The following CAMSAP1 variants were observed in gnomAD, a reference collection of about 807,000 sequenced individuals.
CAMSAP1 encodes the protein calmodulin-regulated spectrin-associated protein 1.
In CAMSAP1, 58 loss-of-function variants were observed where a neutral mutation model predicts 143.5. That is an observed-to-expected ratio of 0.40 (90% CI 0.33 to 0.50). The LOEUF (loss-of-function observed/expected upper bound fraction) is 0.50. CAMSAP1 is among the 20% of genes least tolerant of loss of function. The pLI, the probability that CAMSAP1 is intolerant of heterozygous loss-of-function variation, is 0.45. For synonymous variants in CAMSAP1, 945 were observed against 859.3 expected, an observed-to-expected ratio of 1.10 and a Z score of -1.74; for missense variants, 1,969 against 2,115.7, an observed-to-expected ratio of 0.93 and a Z score of 1.36.
At position 135,820,222 on chromosome 9, in the gene CAMSAP1, G is replaced by A. The variant is rs368986039; in HGVS notation, c.3822+617C>T. 6.6e-6 allele frequency among the ~76,000 whole-genome samples: 1 copy of A among 152,106 alleles called. No homozygotes were observed. Among genetic ancestry groups the A allele is most frequent in the Admixed American group, 6.5e-5 (1 of 15,284 alleles). ...GTGTATCAAAATCTATCTAAACATT[G>A]AAAAACTACCACGAAAACATGGTCT... On this transcript the variant is annotated intron_variant, in intron 11 of 16. Transcript: ENST00000389532. This position sits in a 1 kb window ranked among gnomAD's most constrained non-coding sequence, Gnocchi z 4.4.
chr9:135,813,516 T>A (rs1387394146), intron 16 of CAMSAP1, among the ~76,000 whole-genome samples: 1 of 152,226 alleles, frequency 6.6e-6, no homozygotes, highest in Non-Finnish European at 1.5e-5. Flanking sequence ...ACATTTAATT[T>A]GTAGCGACAG....
At chr9:135,892,175 A>C (rs1410181972) in intron 1 of CAMSAP1, among the ~76,000 whole-genome samples, 1 of 152,148 alleles carries the variant, frequency 6.6e-6, no homozygotes, top group Non-Finnish European at 1.5e-5. Flanking sequence ...GAAAACCCCA[A>C]ACAGAATAAA....
intron 4 of CAMSAP1, among the ~76,000 whole-genome samples, chr9:135,863,616 C>T (rs973769447): frequency 6.6e-6 from 1 of 152,184 alleles, no homozygotes; most frequent in African/African-American, 2.4e-5. Flanking sequence ...ATAAGTACAT[C>T]ATGTAGAATA....
intron 7 of CAMSAP1, among the ~76,000 whole-genome samples, chr9:135,846,895 G>A (rs1345042656): frequency 6.6e-6 from 1 of 152,152 alleles, no homozygotes; most frequent in African/African-American, 2.4e-5. Context: ...ATGCTAGAGA[G>A]GATATGGAGA....
intron 11 of CAMSAP1, among the ~76,000 whole-genome samples, chr9:135,819,991 G>A (rs1835387250): frequency 6.6e-6 from 1 of 152,204 alleles, no homozygotes; most frequent in African/African-American, 2.4e-5. Flanking sequence ...ACTGCCTGGA[G>A]GCAAAGCAGA....
At chr9:135,897,685 T>C (rs536622024) in intron 1 of CAMSAP1, among the ~76,000 whole-genome samples, 1 of 152,078 alleles carries the variant, frequency 6.6e-6, no homozygotes, top group Non-Finnish European at 1.5e-5. Context: ...GCAGATGATA[T>C]CAATGACTTA....
rs1397965039 is a variant in CAMSAP1, at chr9:135,882,739, C to T, written c.423+77G>A. ...CGCCGCACACCGTGTTCACACCATC[C>T]ATGCACCAGGTGCGCCACACGAGAG... On this transcript the variant is annotated intron_variant, in intron 2 of 16. Transcript: ENST00000389532. This position sits in a 1 kb window ranked among gnomAD's most constrained non-coding sequence, Gnocchi z 4.9. 1 of 1,481,588 alleles carries T rather than the reference C, an allele frequency of 6.7e-7. No homozygotes were observed. Among genetic ancestry groups the T allele is most frequent in the Middle Eastern group, 2.0e-4 (1 of 4,950 alleles). 91.8% of individuals were successfully genotyped at this position (1,481,588 alleles called of 1,614,324 possible).
intron 15 of CAMSAP1, 105 bp from the exon 16 acceptor site, chr9:135,815,320 T>C (rs1303836068): frequency 5.3e-6 from 3 of 563,864 alleles, no homozygotes; most frequent in Non-Finnish European, 9.2e-6. Flanking sequence ...GTAGGCTGAA[T>C]TACAGATATT....
chr9:135,863,750 G>A (rs904100753), intron 4 of CAMSAP1, among the ~76,000 whole-genome samples: 1 of 152,042 alleles, frequency 6.6e-6, no homozygotes, highest in African/African-American at 2.4e-5. Flanking sequence ...GGGAGCCCAC[G>A]GCACACACTA....
intron 1 of CAMSAP1, among the ~76,000 whole-genome samples, chr9:135,891,628 GATGTTCACAGAGCCCA>G (rs892907013): frequency 1.2e-4 from 19 of 152,294 alleles, no homozygotes; most frequent in East Asian, 7.7e-4. Context: ...CTCACAGCAT[GATGTTCACAGAGCCCA>G]ATGTTCACAG....
chr9:135,841,390 A>G (rs1173679102), intron 7 of CAMSAP1, among the ~76,000 whole-genome samples: 1 of 152,222 alleles, frequency 6.6e-6, no homozygotes, highest in Non-Finnish European at 1.5e-5. Context: ...CCTGGGACAG[A>G]GCACCTAGGG....
chr9:135,865,119 A>G, intron 4 of CAMSAP1: 1 of 566,514 alleles, frequency 1.8e-6, no homozygotes. Flanking sequence ...AAACTGGGCG[A>G]AATGTAACTT....
In CAMSAP1 at chr9:135,815,119, G is replaced by A; in HGVS notation, c.4484C>T (p.Pro1495Leu). Residue 1495 changes from proline to leucine, a missense_variant, in exon 16 of 17, where the codon CCC (proline) becomes CTC (leucine). Pro to Leu is a moderately conservative substitution (Grantham distance 98). Transcript: ENST00000389532. ...HCCLAGKVNE[P>L]HKNSILEELE... is the part of the protein sequence containing the mutation. ...TGCCTCCAATATGGAATTCTTGTGG[G>A]GTTCGTTCACTTTTCCAGCCAGGCA... The A allele has an allele frequency of 1.2e-6, 2 of 1,612,888 alleles. No homozygotes were observed. The highest frequency in any genetic ancestry group is 1.7e-6 in the Non-Finnish European group (2 of 1,179,028).
chr9:135,841,113 T>A (rs1183345784), intron 7 of CAMSAP1, among the ~76,000 whole-genome samples: 1 of 152,218 alleles, frequency 6.6e-6, no homozygotes, highest in African/African-American at 2.4e-5. Context: ...AAATTCTCGC[T>A]GCCAGCACAG....
At chr9:135,899,417 TAA>T (rs577120532) in intron 1 of CAMSAP1, among the ~76,000 whole-genome samples, 28 of 125,356 alleles carry the variant, frequency 2.2e-4, no homozygotes, top group Admixed American at 2.4e-4. Context: ...TTGTCTCTAT[TAA>T]AAAAAAAAAA....
In CAMSAP1 at chr9:135,824,919, A is replaced by G; in HGVS notation, c.1224-39T>C. ...GAATTACAGGGAAAATCATTCCTTT[A>G]TCAAACTTCAAGGTCAACAGCAAAT... On this transcript the variant is annotated intron_variant, in intron 8 of 16. Transcript: ENST00000389532. The surrounding 1 kb of genome is among the most constrained non-coding windows in gnomAD (Gnocchi z 4.1). The G allele has an allele frequency of 6.7e-7, 1 of 1,500,864 alleles. No individual in the cohort carries two copies. The highest frequency in any genetic ancestry group is 9.1e-7 in the Non-Finnish European group (1 of 1,102,470). The allele number at this position is 1,500,864 out of a possible 1,614,324, so 93.0% of individuals were successfully genotyped here. A position where few individuals can be genotyped will look rare whatever the true frequency, so the allele number is the denominator to read the frequency against.
chr9:135,882,939 C>G lies in CAMSAP1; in HGVS notation c.300G>C (p.Gln100His). 6.4e-7 allele frequency: 1 copy of G among 1,551,784 alleles called. No homozygotes were observed. Among genetic ancestry groups the G allele is most frequent in the Non-Finnish European group, 8.7e-7 (1 of 1,147,016 alleles). The stretch of plus-strand genomic sequence containing the variant: ...ACTGGTGTCCCTGTAAGGCGGCCAC[C>G]TGGTCCCCTTTCAGGATGAGGCTGC... ...RVCSLILKGD[Q>H]VAALQGHQSV... Residue 100 changes from glutamine (Q) to histidine (H), a missense_variant, in exon 2 of 17, where the codon CAG (glutamine) becomes CAC (histidine). Gln to His is a conservative substitution (Grantham distance 24, BLOSUM62 0). Coordinates refer to ENST00000389532, the MANE Select transcript of CAMSAP1 (RefSeq NM_015447.4). This position sits in a 1 kb window ranked among gnomAD's most constrained non-coding sequence, Gnocchi z 4.9.
Position 135,811,606 on chromosome 9 carries a change from C to T in CAMSAP1, c.4512G>A (p.Leu1504=). The T allele has an allele frequency of 6.3e-7, 1 of 1,584,366 alleles. No individual in the cohort carries two copies. Among genetic ancestry groups the T allele is most frequent in the South Asian group, 1.2e-5 (1 of 86,796 alleles). ...EPHKNSILEE[L]EKCDANHYII... ...TGTAGTGATTGGCATCACACTTCTC[C>T]AGCTCCTGTGCAGAGAGAGAAAAGG... The change falls in exon 17 of 17, where the codon CTG becomes CTA. Residue 1504 remains leucine (L), a synonymous_variant. Coordinates refer to ENST00000389532, the MANE Select transcript of CAMSAP1 (RefSeq NM_015447.4). The surrounding 1 kb of genome is among the most constrained non-coding windows in gnomAD (Gnocchi z 4.9).
At chr9:135,860,502 G>A (rs1837144507) in intron 5 of CAMSAP1, among the ~76,000 whole-genome samples, 1 of 151,252 alleles carries the variant, frequency 6.6e-6, no homozygotes, top group African/African-American at 2.4e-5. Flanking sequence ...GGAGGCTGAG[G>A]TGGGAGAATC....
Sources: gnomAD v4.1 joint callset for allele counts (sites outside exome capture counted in the v4.1 genomes callset) on GRCh38, gnomAD v4.1.1 for gene constraint, Gnocchi (gnomAD v3.1) non-coding constraint, MANE v1.5 for transcripts, NCBI Gene and HGNC (gene_info 2026-07-23, HGNC 2026-07-21) for gene names.